Variants in EIF2B4 observed in about 807,000 individuals in gnomAD.
EIF2B4 encodes translation initiation factor eIF2B subunit delta.
A neutral mutation model predicts 66.7 loss-of-function variants in EIF2B4; 34 were observed. That is an observed-to-expected ratio of 0.51 (90% CI 0.39 to 0.68). EIF2B4 has a LOEUF of 0.68. EIF2B4 is among the 30% of genes least tolerant of loss of function. The pLI is 0.00. For synonymous variants in EIF2B4, 278 were observed against 253.6 expected (o/e 1.10, Z -0.92); for missense variants, 618 against 657.9 (o/e 0.94, Z 0.66).
In EIF2B4 at chr2:27,368,663, C is replaced by A; in HGVS notation, c.489G>T (p.Glu163Asp). 6.2e-7 allele frequency: 1 copy of A among 1,614,212 alleles called. No individual in the cohort carries two copies. ...CAAACCCACTTCCTACCTGTTGACG[C>A]TCTGGTTTTTTAACAAGCCTTCTCA... ...LLLRRLVKKP[E>D]RQQVPTRKDY... is the part of the protein sequence containing the mutation. The change falls in exon 5 of 13, where the codon GAG becomes GAT. Residue 163 changes from glutamate (E) to aspartate (D), a missense_variant. Transcript: ENST00000347454.
In EIF2B4 at chr2:27,368,726, C is replaced by T. The variant is rs1394929689; in HGVS notation, c.426G>A (p.Lys142=). 1.2e-6 allele frequency: 2 copies of T among 1,614,182 alleles called. No homozygotes were observed. Among genetic ancestry groups the T allele is most frequent in the Non-Finnish European group, 1.7e-6 (2 of 1,180,012 alleles). Residue 142 remains lysine, a synonymous_variant, in exon 5 of 13, where the codon AAG becomes AAA. Transcript: ENST00000347454. ...CAACCTGAGGGTACTCAGGGAGACG[C>T]TTCACTCCTGAAAGATAATCATCAT... is the stretch of plus-strand genomic sequence containing the variant. ...STAGETPSGV[K]RLPEYPQVDD... is the part of the protein sequence containing the mutation.
In EIF2B4 at chr2:27,367,834, A is replaced by G; in HGVS notation, c.706-12T>C. The G allele has an allele frequency of 6.2e-7, 1 of 1,612,150 alleles. No homozygotes were observed. Among genetic ancestry groups the G allele is most frequent in the Non-Finnish European group, 8.5e-7 (1 of 1,178,202 alleles). On this transcript the variant is annotated splice_polypyrimidine_tract_variant and intron_variant, in intron 7 of 12. Coordinates refer to ENST00000347454, the MANE Select transcript of EIF2B4 (RefSeq NM_001034116.2). ...TAATCCTGAATCACCTATAGGGTAC[A>G]CAAGGTGATCTGCAAAATACCCCTT...
rs34155621 is a variant in EIF2B4 at position 27,369,146 on chromosome 2, G to A, written c.278C>T (p.Ala93Val). Residue 93 changes from alanine to valine, a missense_variant, in exon 4 of 13, where the codon GCT becomes GTT. By Grantham distance (64) the Ala-to-Val change is moderately conservative. Around this residue, in one of 4 missense-constraint regions of EIF2B4, gnomAD observed 506 missense variants for 511.9 expected, o/e 0.99. Transcript: ENST00000347454. ...CCGAAGTTCGGCCTTACTCCGACCA[G>A]CTGGAACTTTCTCCCGAGGAGTGCC... ...QLGTPREKVPAGRSKAELRAE... is the reference protein window; with the variant it reads ...QLGTPREKVPVGRSKAELRAE... The A allele has an allele frequency of 6.2e-7, 1 of 1,613,794 alleles. No individual in the cohort carries two copies. The highest frequency in any genetic ancestry group is 1.7e-5 in the Admixed American group (1 of 59,992).
chr2:27,368,894 A>G, intron 4 of EIF2B4, 112 bp downstream of exon 4: 1 of 1,486,132 alleles, frequency 6.7e-7, no homozygotes, highest in Non-Finnish European at 9.4e-7. Flanking sequence ...TGCAGGAACA[A>G]TTCAGAACTC....
At position 27,368,083 on chromosome 2, in the gene EIF2B4, T is replaced by C. The variant is rs1362267941; in HGVS notation, c.647A>G (p.Gln216Arg). The change falls in exon 7 of 13, where the codon CAG becomes CGG. Residue 216 changes from glutamine to arginine, a missense_variant. By Grantham distance (43) the Gln-to-Arg change is conservative (BLOSUM62 1). Around this residue, in one of 4 missense-constraint regions of EIF2B4, gnomAD observed 506 missense variants for 511.9 expected, o/e 0.99. Transcript: ENST00000347454. The part of the protein sequence containing the change: ...AMVRLGLQYS[Q>R]GLVSGSNARC... ...GGCATTGGAGCCACTGACCAGGCCC[T>C]GGGAGTACTGCAGGCCGAGTCGCAC... 6.2e-7 allele frequency: 1 copy of C among 1,601,442 alleles called. No individual in the cohort carries two copies. The highest frequency in any genetic ancestry group is 1.3e-5 in the African/African-American group (1 of 74,690).
chr2:27,365,531 C>T (rs1176758669), intron 11 of EIF2B4: 1 of 154,102 alleles, frequency 6.5e-6, no homozygotes, highest in Non-Finnish European at 1.4e-5. Context: ...CGCCCACCAC[C>T]ACGCCCGGCT....
chr2:27,369,959 T>C (rs886038381), intron 1 of EIF2B4, 40 bp from the exon 2 acceptor site: 1 of 1,558,360 alleles, frequency 6.4e-7, no homozygotes, highest in East Asian at 2.4e-5. Flanking sequence ...CCAGAGAGAC[T>C]CCGGGAGGGT....
chr2:27,369,787 G>T (rs1010663671), intron 2 of EIF2B4, 89 bp downstream of exon 2: 2 of 1,490,370 alleles, frequency 1.3e-6, no homozygotes, highest in Non-Finnish European at 1.8e-6. Context: ...GAAATAAACC[G>T]ACACGGGATG....
intron 11 of EIF2B4, 80 bp downstream of exon 11, chr2:27,366,679 A>T: frequency 3.3e-6 from 5 of 1,531,432 alleles, no homozygotes; most frequent in Non-Finnish European, 4.5e-6. Context: ...ACAAAACTGT[A>T]ACTTTGGGAA....
intron 8 of EIF2B4, 88 bp downstream of exon 8, chr2:27,367,657 CA>C: frequency 6.3e-7 from 1 of 1,589,682 alleles, no homozygotes; most frequent in Non-Finnish European, 8.6e-7. Context: ...AAATAGAACA[CA>C]AAATGAAAAG....
rs41288827 is a variant in EIF2B4 at position 27,364,399 on chromosome 2, G to A, written c.*1C>T. 23,478 of 1,613,786 alleles carry A rather than the reference G, an allele frequency of 0.015. 203 individuals are homozygous for A. Among genetic ancestry groups the A allele is most frequent in the Non-Finnish European group, 0.018 (20,895 of 1,179,904 alleles). On this transcript the variant is annotated 3_prime_UTR_variant, in exon 13 of 13. Transcript: ENST00000347454. The stretch of plus-strand genomic sequence containing the variant: ...CATTTATTAACCCTGTGTTTCCCCC[G>A]TCACTGGTCACTGCTCTTGACTCGT...
At chr2:27,365,620 CCCT>C (rs1400745814) in intron 11 of EIF2B4, 1 of 152,278 alleles carries the variant, frequency 6.6e-6, no homozygotes, top group Non-Finnish European at 1.5e-5. Context: ...TCGTGAACTG[CCCT>C]CCTCGGCCTC....
At chr2:27,367,392 GT>G (rs1013108994) in intron 9 of EIF2B4, 64 bp downstream of exon 9, 11 of 1,606,070 alleles carry the variant, frequency 6.8e-6, no homozygotes, top group East Asian at 4.5e-5. Flanking sequence ...CTTCCCGGGA[GT>G]TTTTAACATG....
rs1420424093 is a variant in EIF2B4 at position 27,369,907 on chromosome 2, C to G, written c.44G>C (p.Gly15Ala). ...CCCAGGGGGAAGCTCCGCCTTCATC[C>G]CGGATCCCGAGTCTGCATCAGAAAA... The part of the protein sequence containing the change: ...AVAVREDSGS[G>A]MKAELPPGPG... The change falls in exon 2 of 13, where the codon GGG becomes GCG. Residue 15 changes from glycine (G) to alanine (A), a missense_variant. Coordinates refer to ENST00000347454, the MANE Select transcript of EIF2B4 (RefSeq NM_001034116.2). 6.3e-7 allele frequency: 1 copy of G among 1,584,092 alleles called. No individual in the cohort carries two copies. Among genetic ancestry groups the G allele is most frequent in the Non-Finnish European group, 8.6e-7 (1 of 1,165,530 alleles).
rs769763044 is a variant in EIF2B4 at position 27,368,474 on chromosome 2, C to G, written c.499-11G>C. Reference sequence around the variant, plus strand: ...CTTTCGTGTAGGAACCTTGACAAAACAAGGGAACAGGACCAATGGCCCAGA... The same window carrying G: ...CTTTCGTGTAGGAACCTTGACAAAAGAAGGGAACAGGACCAATGGCCCAGA... On this transcript the variant is annotated splice_polypyrimidine_tract_variant and intron_variant, in intron 5 of 12. Transcript: ENST00000347454. The G allele has an allele frequency of 6.2e-7, 1 of 1,610,984 alleles. No homozygotes were observed. Among genetic ancestry groups the G allele is most frequent in the Non-Finnish European group, 8.5e-7 (1 of 1,177,228 alleles).
rs113310794 is a variant in EIF2B4 at position 27,370,288 on chromosome 2, G to A, written c.27C>T (p.Arg9=). 8.5e-4 allele frequency: 1,321 copies of A among 1,548,040 alleles called. 14 individuals are homozygous for A. The African/African-American group carries it at 0.015, about 17-fold the overall frequency. ...CAGGCCCGGCTCTTCACTCACCCTCGCGAACAGCCACGGCCACAGCAGCCA... is the reference window on the plus strand; with the variant it reads ...CAGGCCCGGCTCTTCACTCACCCTCACGAACAGCCACGGCCACAGCAGCCA... The part of the protein sequence containing the change: MAAVAVAV[R]EDSGSGMKAE... The change falls in exon 1 of 13, where the codon CGC becomes CGT. Residue 9 remains arginine (R), a synonymous_variant. Coordinates refer to ENST00000347454, the MANE Select transcript of EIF2B4 (RefSeq NM_001034116.2).
chr2:27,365,341 CAG>C (rs1558633270), intron 11 of EIF2B4, among the ~76,000 whole-genome samples: 1 of 149,560 alleles, frequency 6.7e-6, no homozygotes, highest in African/African-American at 2.5e-5. Context: ...GCCAGGATAA[CAG>C]GCGTGAGCCA....
rs781385220 is a variant in EIF2B4, at chr2:27,364,909, G to A, written c.1192-11C>T. 3 of 1,613,538 alleles carry A rather than the reference G, an allele frequency of 1.9e-6. No homozygotes were observed. The highest frequency in any genetic ancestry group is 1.3e-5 in the African/African-American group (1 of 75,018). On this transcript the variant is annotated splice_polypyrimidine_tract_variant and intron_variant, in intron 11 of 12. Transcript: ENST00000347454. ...TAGCACCTTGGAAACCTGTTTCACA[G>A]GAGAAGAGGAAGAAAAAAATGTCAT...
intron 3 of EIF2B4, 60 bp from the exon 4 acceptor site, chr2:27,369,272 T>C: frequency 6.2e-7 from 1 of 1,606,626 alleles, no homozygotes; most frequent in African/African-American, 1.3e-5. Context: ...GTGCCCCAGC[T>C]AAAACTAGCT....
Sources: gnomAD v4.1 joint callset for allele counts (sites outside exome capture counted in the v4.1 genomes callset) on GRCh38, gnomAD v4.1.1 for gene constraint, gnomAD v4.1.1 regional missense constraint, MANE v1.5 for transcripts, NCBI Gene and HGNC (gene_info 2026-07-23, HGNC 2026-07-21) for gene names.